ITGA10: variants seen among roughly 807,000 people sequenced by gnomAD.
ITGA10 encodes the protein integrin alpha-10.
ITGA10 carries 105 observed loss-of-function variants against 145.2 expected under a neutral mutation model. The ratio of observed to expected loss-of-function variants is 0.72; its 90% confidence interval spans 0.62 to 0.85. The LOEUF (loss-of-function observed/expected upper bound fraction) is 0.85, where lower values mean the gene tolerates loss of function less well. Among genes scored for constraint, ITGA10 ranks in the 40% least tolerant of loss-of-function variants. The pLI is 0.00. For synonymous variants in ITGA10, 506 were observed against 557.8 expected, an observed-to-expected ratio of 0.91 and a Z score of 1.31; for missense variants, 1,317 against 1,444.5, an observed-to-expected ratio of 0.91 and a Z score of 1.43.
Position 145,895,651 on chromosome 1 carries a change from G to A in ITGA10, c.3094C>T (p.Leu1032Phe). The change falls in exon 26 of 30, where the codon CTT becomes TTT. Residue 1032 changes from leucine (L) to phenylalanine (F), a missense_variant. By Grantham distance (22) the Leu-to-Phe change is conservative. Transcript: ENST00000369304. ...PPGPPVHPEE[L>F]QHTNRLNGSN... ...CATACCAGTCTGTTTGTGTGTTGAA[G>A]CTCCTCTGGATGCACAGGTGGGCCT... 1 of 1,614,206 alleles carries A rather than the reference G, an allele frequency of 6.2e-7. No homozygotes were observed. Among genetic ancestry groups the A allele is most frequent in the Non-Finnish European group, 8.5e-7 (1 of 1,180,014 alleles).
chr1:145,893,285 A>G lies in ITGA10; in HGVS notation c.3325-11T>C, dbSNP rs1654943589. On this transcript the variant is annotated splice_polypyrimidine_tract_variant and intron_variant, in intron 28 of 29. Transcript: ENST00000369304. ...CACCTCCAAGAGGCTCTGCGTGGAC[A>G]GAAGAGTAGTTTTCTACATGCATCC... The G allele has an allele frequency of 1.9e-6, 3 of 1,588,794 alleles. No homozygotes were observed. Among genetic ancestry groups the G allele is most frequent in the Admixed American group, 1.7e-5 (1 of 59,988 alleles).
chr1:145,899,300 G>T lies in ITGA10; in HGVS notation c.1964C>A (p.Thr655Asn), dbSNP rs782434923. 2.5e-6 allele frequency: 4 copies of T among 1,614,196 alleles called. No homozygotes were observed. Among genetic ancestry groups the T allele is most frequent in the Non-Finnish European group, 3.4e-6 (4 of 1,180,018 alleles). Reference sequence around the variant, plus strand: ...CTGAACCACACTGATGGCCTGTGGGGTCACCTCCAGTGATGGGGTCAGATG... The same window carrying T: ...CTGAACCACACTGATGGCCTGTGGGTTCACCTCCAGTGATGGGGTCAGATG... Reference protein sequence around the residue: ...IVHLTPSLEVTPQAISVVQRD... With the variant: ...IVHLTPSLEVNPQAISVVQRD... The change falls in exon 16 of 30, where the codon ACC becomes AAC. Residue 655 changes from threonine to asparagine, a missense_variant. Thr to Asn is a moderately conservative substitution (Grantham distance 65). Transcript: ENST00000369304.
Position 145,904,063 on chromosome 1 carries a change from T to C in ITGA10, c.747A>G (p.Ile249Met), listed in dbSNP as rs149782072. 1,377 of 1,613,974 alleles carry C rather than the reference T, an allele frequency of 8.5e-4. 1 individual carries two copies. Among genetic ancestry groups the C allele is most frequent in the Non-Finnish European group, 1.0e-3 (1,228 of 1,179,986 alleles). The change falls in exon 7 of 30, where the codon ATA (isoleucine) becomes ATG (methionine). Residue 249 changes from isoleucine to methionine, a missense_variant. By Grantham distance (10) the Ile-to-Met change is conservative. Transcript: ENST00000369304. ...EGRETKTAQA[I>M]MVACTEGFSQ... ...TCCCAATGCCTCACCAGGCCACCAT[T>C]ATTGCTTGGGCAGTCTTTGTTTCTC...
chr1:145,896,533 A>G (rs1655432499), intron 23 of ITGA10, among the ~76,000 whole-genome samples, 181 bp from the exon 24 acceptor site: 2 of 152,198 alleles, frequency 1.3e-5, no homozygotes, highest in Non-Finnish European at 2.9e-5. Flanking sequence ...TTATGGCTAC[A>G]TCCCATATCC....
rs1355540606 is a variant in ITGA10 at position 145,891,899 on chromosome 1, T to TC, written c.*898dup. On this transcript the variant is annotated 3_prime_UTR_variant, in exon 30 of 30. Transcript: ENST00000369304. ...TCAAGTAGCAGTACTCTCTCTCCTG[T>TC]CTGCTTTCTAAGCAGGCCCCAAGGA... 1 of 152,268 alleles carries TC rather than the reference T, an allele frequency of 6.6e-6. No individual in the cohort carries two copies. Among genetic ancestry groups the TC allele is most frequent in the Non-Finnish European group, 1.5e-5 (1 of 68,058 alleles). The allele number at this position is 152,268 out of a possible 1,614,324, so 9.4% of individuals were successfully genotyped here.
intron 7 of ITGA10, among the ~76,000 whole-genome samples, chr1:145,903,664 TA>T (rs1656698483): frequency 6.6e-6 from 1 of 151,612 alleles, no homozygotes; most frequent in Non-Finnish European, 1.5e-5. Flanking sequence ...TTTTTTTTTT[TA>T]AGGGAAAGAT....
Position 145,904,676 on chromosome 1 carries a change from T to A in ITGA10, c.609+8A>T, listed in dbSNP as rs782390561. The A allele has an allele frequency of 2.5e-6, 4 of 1,613,904 alleles. No homozygotes were observed. Among genetic ancestry groups the A allele is most frequent in the Admixed American group, 1.7e-5 (1 of 60,008 alleles). ...CAACTGTGCCCAGCTCATATTGCCTTCTCTTACCTGTATCTGTTCTGGGTC... is the reference window on the plus strand; with the variant it reads ...CAACTGTGCCCAGCTCATATTGCCTACTCTTACCTGTATCTGTTCTGGGTC... On this transcript the variant is annotated splice_region_variant and intron_variant, in intron 6 of 29. Coordinates refer to ENST00000369304, the MANE Select transcript of ITGA10 (RefSeq NM_003637.5).
chr1:145,896,969 A>T, intron 22 of ITGA10, 42 bp downstream of exon 22: 1 of 1,565,568 alleles, frequency 6.4e-7, no homozygotes, highest in African/African-American at 1.4e-5. Context: ...GTCAAGACTC[A>T]GTAGGAGGAG....
In ITGA10 at chr1:145,901,908, G is replaced by C. The variant is rs373392583; in HGVS notation, c.1263C>G (p.Pro421=). The change falls in exon 11 of 30, where the codon CCC becomes CCG. Residue 421 remains proline, a synonymous_variant. Transcript: ENST00000369304. This position sits in a 1 kb window ranked among gnomAD's most constrained non-coding sequence, Gnocchi z 4.3. ...PPRMALEDEF[P]PALQNHAAYL... ...AGGCTGCATGGTTCTGCAATGCAGGGGGGAACTCGTCTTCCAGTGCCATTC... is the reference window on the plus strand; with the variant it reads ...AGGCTGCATGGTTCTGCAATGCAGGCGGGAACTCGTCTTCCAGTGCCATTC... The C allele has an allele frequency of 6.2e-6, 10 of 1,614,014 alleles. No individual in the cohort carries two copies. Among genetic ancestry groups the C allele is most frequent in the Non-Finnish European group, 6.8e-6 (8 of 1,180,026 alleles).
chr1:145,902,155 G>T, intron 10 of ITGA10, 91 bp downstream of exon 10: 2 of 1,561,934 alleles, frequency 1.3e-6, no homozygotes, highest in South Asian at 1.1e-5. Flanking sequence ...GAGCATGGAG[G>T]CTGGTTAAAG....
Position 145,900,095 on chromosome 1 carries a change from A to G in ITGA10, c.1884T>C (p.Asp628=), listed in dbSNP as rs1180885825. 1 of 1,613,866 alleles carries G rather than the reference A, an allele frequency of 6.2e-7. No individual in the cohort carries two copies. Among genetic ancestry groups the G allele is most frequent in the East Asian group, 2.2e-5 (1 of 44,874 alleles). The change falls in exon 15 of 30, where the codon GAT becomes GAC. Residue 628 remains aspartate, a synonymous_variant. Transcript: ENST00000369304. ...RLDLDGDDLV[D]VAVGAQGAAI... is the part of the protein sequence containing the mutation. ...CTGCCCCCTGGGCACCCACAGCCAC[A>G]TCGACCAGATCATCTCCATCCAGAT...
chr1:145,894,806 A>G (rs941259316), intron 27 of ITGA10, among the ~76,000 whole-genome samples: 1 of 152,218 alleles, frequency 6.6e-6, no homozygotes, highest in African/African-American at 2.4e-5. Context: ...ATTTAGCAAA[A>G]ATATGTTAAG....
At position 145,906,395 on chromosome 1, in the gene ITGA10, T is replaced by C. The variant is rs782574984; in HGVS notation, c.480A>G (p.Gln160=). The C allele has an allele frequency of 1.2e-6, 2 of 1,612,396 alleles. No individual in the cohort carries two copies. Among genetic ancestry groups the C allele is most frequent in the African/African-American group, 1.3e-5 (1 of 75,002 alleles). The change falls in exon 5 of 30, where the codon CAA becomes CAG. Residue 160 remains glutamine, a splice_region_variant and synonymous_variant. Transcript: ENST00000369304. ...GTACTCAGCCTTCCTCTGGCTCACG[T>C]TGGGCAGTGGGTGCCAGGCTTCCCT... is the stretch of plus-strand genomic sequence containing the variant. ...QPQGSLAPTA[Q]RCPTYMDVVI... is the part of the protein sequence containing the mutation.
At chr1:145,906,096 A>ATT (rs781863342) in intron 5 of ITGA10, 54 of 256,754 alleles carry the variant, frequency 2.1e-4, no homozygotes, top group South Asian at 7.2e-4. Context: ...TAATTTTTGT[A>ATT]TTTTTTTTTT....
intron 22 of ITGA10, 32 bp from the exon 23 acceptor site, chr1:145,896,890 C>T: frequency 6.4e-7 from 1 of 1,572,906 alleles, no homozygotes; most frequent in East Asian, 2.2e-5. Flanking sequence ...GCTCACATCT[C>T]AACCCCTCCT....
chr1:145,901,107 C>T lies in ITGA10; in HGVS notation c.1587+28G>A. Reference sequence around the variant, plus strand: ...TCCCTCCACCCCCACAATGCAAGTCCAGGGCAGGGGGTCCCAGCAAGTCTC... The same window carrying T: ...TCCCTCCACCCCCACAATGCAAGTCTAGGGCAGGGGGTCCCAGCAAGTCTC... On this transcript the variant is annotated intron_variant, in intron 13 of 29. Coordinates refer to ENST00000369304, the MANE Select transcript of ITGA10 (RefSeq NM_003637.5). The surrounding 1 kb of genome is among the most constrained non-coding windows in gnomAD (Gnocchi z 4.3). 6.2e-7 allele frequency: 1 copy of T among 1,613,560 alleles called. No homozygotes were observed. The highest frequency in any genetic ancestry group is 2.2e-5 in the East Asian group (1 of 44,882).
chr1:145,907,509 C>CT (rs1171019418), intron 1 of ITGA10, 44 bp from the exon 2 acceptor site: 2 of 1,611,358 alleles, frequency 1.2e-6, no homozygotes, highest in African/African-American at 2.7e-5. Context: ...TAGTGAATGG[C>CT]TAGAGGCACA....
intron 14 of ITGA10, 76 bp from the exon 15 acceptor site, chr1:145,900,263 T>A: frequency 2.1e-6 from 3 of 1,424,886 alleles, no homozygotes; most frequent in Non-Finnish European, 2.8e-6. Context: ...TGCTCTTTCT[T>A]TTTATTTATT....
At position 145,901,465 on chromosome 1, in the gene ITGA10, C is replaced by T. The variant is rs1165942189; in HGVS notation, c.1443+51G>A. The stretch of plus-strand genomic sequence containing the variant: ...CCCACTTCACACTCCTCCCCAACAG[C>T]CCAGAGGTCCCTGGGAATCCAAAGG... On this transcript the variant is annotated intron_variant, in intron 12 of 29. Transcript: ENST00000369304. This position sits in a 1 kb window ranked among gnomAD's most constrained non-coding sequence, Gnocchi z 4.3. 4 of 1,526,230 alleles carry T rather than the reference C, an allele frequency of 2.6e-6. No homozygotes were observed. Among genetic ancestry groups the T allele is most frequent in the South Asian group, 1.3e-5 (1 of 77,262 alleles). The allele number at this position is 1,526,230 out of a possible 1,614,324, so 94.5% of individuals were successfully genotyped here. A position where few individuals can be genotyped will look rare whatever the true frequency, so the allele number is the denominator to read the frequency against.
Sources: gnomAD v4.1 joint callset for allele counts (sites outside exome capture counted in the v4.1 genomes callset) on GRCh38, gnomAD v4.1.1 for gene constraint, Gnocchi (gnomAD v3.1) non-coding constraint, MANE v1.5 for transcripts, NCBI Gene and HGNC (gene_info 2026-07-23, HGNC 2026-07-21) for gene names.